Variants in COL28A1 observed in about 807,000 individuals in gnomAD.
COL28A1 encodes the protein collagen alpha-1(XXVIII) chain.
Under a neutral mutation model 150.2 loss-of-function variants are expected in COL28A1, and 161 were observed. The observed-to-expected ratio is 1.07, with a 90% CI of 0.94 to 1.22. The LOEUF (loss-of-function observed/expected upper bound fraction) is 1.22. Ranked by LOEUF, COL28A1 falls within the 50% of genes most tolerant of loss-of-function variation. The probability of loss-of-function intolerance (pLI) is 0.00; values close to 1 mark genes in which losing one functional copy is unlikely to be tolerated. For missense variants in COL28A1, 1,617 were observed against 1,388.3 expected, an observed-to-expected ratio of 1.16 and a Z score of -2.62; for synonymous variants, 552 against 469.7, an observed-to-expected ratio of 1.18 and a Z score of -2.26.
the COL28A1 span, among the ~76,000 whole-genome samples, chr7:7,342,714 C>T: frequency 2.6e-5 from 4 of 152,014 alleles, no homozygotes; most frequent in Non-Finnish European, 4.4e-5. Flanking sequence ...CCTCCTTTTA[C>T]TCACTTTGGA....
intron 3 of COL28A1, among the ~76,000 whole-genome samples, chr7:7,529,391 T>C (rs528544000): frequency 3.3e-5 from 5 of 152,268 alleles, no homozygotes; most frequent in South Asian, 2.1e-4. Context: ...ATAAGCACTT[T>C]GGATCCTGTA....
upstream of COL28A1, among the ~76,000 whole-genome samples, chr7:7,538,479 C>A (rs1214785437): frequency 6.6e-6 from 1 of 152,132 alleles, no homozygotes; most frequent in Non-Finnish European, 1.5e-5. Context: ...GTTTATCAGT[C>A]ACTTGAGGTC....
chr7:7,382,486 T>G (rs1781926756), intron 27 of COL28A1, among the ~76,000 whole-genome samples: 1 of 152,142 alleles, frequency 6.6e-6, no homozygotes, highest in Non-Finnish European at 1.5e-5. Context: ...TCCATCACAT[T>G]TTAACATTAT....
At chr7:7,540,436 C>A (rs943812946), upstream of COL28A1, among the ~76,000 whole-genome samples, 1 of 152,148 alleles carries the variant, frequency 6.6e-6, no homozygotes, top group Admixed American at 6.5e-5. Context: ...AATCTCTGAA[C>A]TGGAAGGAAA....
chr7:7,495,466 G>T (rs1780156519), intron 11 of COL28A1, among the ~76,000 whole-genome samples: 1 of 152,062 alleles, frequency 6.6e-6, no homozygotes, highest in Non-Finnish European at 1.5e-5. Context: ...GGGAAAAAGA[G>T]AATTTCAAAA....
chr7:7,543,657 A>T, the COL28A1 span, among the ~76,000 whole-genome samples: 6 of 152,152 alleles, frequency 3.9e-5, no homozygotes, highest in African/African-American at 9.7e-5. Context: ...GTTGCCATGG[A>T]TGCAAACAAC....
intron 6 of COL28A1, among the ~76,000 whole-genome samples, chr7:7,518,640 G>A (rs1353100622): frequency 6.6e-6 from 1 of 152,128 alleles, no homozygotes; most frequent in East Asian, 1.9e-4. Context: ...TACCTGCAAT[G>A]AAAAGCAAAC....
chr7:7,517,760 C>A, intron 7 of COL28A1, 36 bp downstream of exon 7: 2 of 1,612,766 alleles, frequency 1.2e-6, no homozygotes, highest in Non-Finnish European at 1.7e-6. Flanking sequence ...AACCTAGGAT[C>A]ACTTTCTTAG....
chr7:7,517,264 G>A (rs890101626), intron 7 of COL28A1, among the ~76,000 whole-genome samples: 6 of 152,018 alleles, frequency 3.9e-5, no homozygotes, highest in Admixed American at 1.3e-4. Flanking sequence ...TTTATGCACC[G>A]TACACATCTC....
At chr7:7,477,540 C>T (rs898313752) in intron 13 of COL28A1, among the ~76,000 whole-genome samples, 6 of 152,170 alleles carry the variant, frequency 3.9e-5, no homozygotes, top group Non-Finnish European at 5.9e-5. Flanking sequence ...CGGACCCTCG[C>T]GGTGAGTGTC....
At chr7:7,409,726 G>T (rs756350396) in intron 27 of COL28A1, among the ~76,000 whole-genome samples, 3 of 152,122 alleles carry the variant, frequency 2.0e-5, no homozygotes, top group African/African-American at 4.8e-5. Context: ...TTGAGGTAGG[G>T]CACCCTATTT....
chr7:7,350,273 G>C, the COL28A1 span, among the ~76,000 whole-genome samples: 1 of 152,088 alleles, frequency 6.6e-6, no homozygotes, highest in African/African-American at 2.4e-5. Context: ...GAAAGGTTCA[G>C]GGATGTTTCT....
chr7:7,394,105 C>T (rs1782707470), intron 27 of COL28A1, among the ~76,000 whole-genome samples: 1 of 152,186 alleles, frequency 6.6e-6, no homozygotes, highest in Non-Finnish European at 1.5e-5. Context: ...GCTGTGCATA[C>T]TGTGGGAAAA....
At chr7:7,471,676 C>T (rs1788443102) in intron 15 of COL28A1, among the ~76,000 whole-genome samples, 1 of 152,154 alleles carries the variant, frequency 6.6e-6, no homozygotes, top group Non-Finnish European at 1.5e-5. Context: ...AGGCAGATCA[C>T]TTGAGGTCAG....
chr7:7,415,719 A>C (rs1395624623), intron 27 of COL28A1, among the ~76,000 whole-genome samples: 2 of 151,974 alleles, frequency 1.3e-5, no homozygotes, highest in African/African-American at 4.8e-5. Flanking sequence ...TTTTTAGTAG[A>C]GATGGGGTTT....
At chr7:7,404,984 A>T (rs1783414800) in intron 27 of COL28A1, among the ~76,000 whole-genome samples, 1 of 152,130 alleles carries the variant, frequency 6.6e-6, no homozygotes, top group Non-Finnish European at 1.5e-5. Context: ...CCTGGGCTCA[A>T]ACAATCCTCT....
chr7:7,422,068 C>G (rs1390131634), intron 25 of COL28A1, among the ~76,000 whole-genome samples: 1 of 152,182 alleles, frequency 6.6e-6, no homozygotes, highest in Non-Finnish European at 1.5e-5. Context: ...TGTAAGTTCA[C>G]TGCCTGAAGT....
intron 33 of COL28A1, among the ~76,000 whole-genome samples, chr7:7,363,726 T>A (rs1163920555): frequency 6.6e-6 from 1 of 152,178 alleles, no homozygotes; most frequent in African/African-American, 2.4e-5. Context: ...CAGTTTTCTA[T>A]GCTCTATGCT....
intron 1 of COL28A1, among the ~76,000 whole-genome samples, chr7:7,533,210 T>A (rs1231854659): frequency 6.6e-6 from 1 of 152,136 alleles, no homozygotes; most frequent in African/African-American, 2.4e-5. Context: ...TTTAAAAACA[T>A]TTCAATCCCG....
Sources: gnomAD v4.1 joint callset for allele counts (sites outside exome capture counted in the v4.1 genomes callset) on GRCh38, gnomAD v4.1.1 for gene constraint, MANE v1.5 for transcripts, NCBI Gene and HGNC (gene_info 2026-07-23, HGNC 2026-07-21) for gene names.